Variants in CFAP299 observed in about 807,000 individuals in gnomAD.
The protein encoded by CFAP299 is cilia- and flagella-associated protein 299.
A neutral mutation model predicts 27.0 loss-of-function variants in CFAP299; 21 were observed. That is an observed-to-expected ratio of 0.78 (90% CI 0.55 to 1.12). CFAP299 has a LOEUF of 1.12. Ranked by LOEUF, CFAP299 falls within the 50% of genes most tolerant of loss-of-function variation. CFAP299 has a pLI of 0.00. For missense variants in CFAP299, 310 were observed against 276.6 expected (o/e 1.12, Z -0.86); for synonymous variants, 104 against 98.1 (o/e 1.06, Z -0.36).
At position 80,538,001 on chromosome 4, in the gene CFAP299, A is replaced by T. The variant is rs1003669713; in HGVS notation, c.243-45092A>T. ...AATCTGTCATATGAAGACTGCAGTC[A>T]TGTGCCACATAATCATCTTTCAGCC... On this transcript the variant is annotated intron_variant, in intron 2 of 5. Coordinates refer to ENST00000358105, the MANE Select transcript of CFAP299 (RefSeq NM_152770.3). 1.8e-4 allele frequency among the ~76,000 whole-genome samples: 27 copies of T among 152,190 alleles called. 1 individual carries two copies. Among genetic ancestry groups the T allele is most frequent in the Admixed American group, 1.7e-3 (26 of 15,272 alleles).
At chr4:80,471,198 A>G (rs1228697409) in intron 2 of CFAP299, among the ~76,000 whole-genome samples, 1 of 152,098 alleles carries the variant, frequency 6.6e-6, no homozygotes, top group African/African-American at 2.4e-5. Context: ...GTTCATAACC[A>G]TTGACTACCC....
At chr4:80,896,639 T>C (rs964569324) in intron 4 of CFAP299, among the ~76,000 whole-genome samples, 1 of 152,112 alleles carries the variant, frequency 6.6e-6, no homozygotes, top group Non-Finnish European at 1.5e-5. Flanking sequence ...ATAGATGAAA[T>C]TGAATGATAG....
intron 3 of CFAP299, among the ~76,000 whole-genome samples, chr4:80,844,731 T>C (rs1276682996): frequency 6.6e-6 from 1 of 152,204 alleles, no homozygotes; most frequent in East Asian, 1.9e-4. Flanking sequence ...GGTAGTTTCT[T>C]TTGCTGTGCA....
chr4:80,525,471 G>A (rs11728439), intron 2 of CFAP299, among the ~76,000 whole-genome samples: 19,251 of 152,078 alleles, frequency 0.13, 1,681 homozygotes, highest in African/African-American at 0.24. Flanking sequence ...TAATGAGTTT[G>A]TCTGTATCTA....
rs1578452430 is a variant in CFAP299 at position 80,446,158 on chromosome 4, C to T, written c.242+83274C>T. On this transcript the variant is annotated intron_variant, in intron 2 of 5. Transcript: ENST00000358105. ...ATTCAGGACTGGGAAGAGGAAAAGG[C>T]ATAGGTGTTGTGTCAATCAGTGAAG... Among the ~76,000 whole-genome samples, 3 of 152,286 alleles carry T rather than the reference C, an allele frequency of 2.0e-5. No homozygotes were observed. In the East Asian group the frequency reaches 5.8e-4, roughly 29 times the overall value.
At chr4:80,753,392 T>C (rs1027386205) in intron 3 of CFAP299, among the ~76,000 whole-genome samples, 1 of 152,152 alleles carries the variant, frequency 6.6e-6, no homozygotes, top group African/African-American at 2.4e-5. Flanking sequence ...GTATGTAATG[T>C]GCCTTTTTTC....
chr4:80,626,298 A>G (rs1054173543), intron 3 of CFAP299, among the ~76,000 whole-genome samples: 1 of 151,976 alleles, frequency 6.6e-6, no homozygotes, highest in Non-Finnish European at 1.5e-5. Context: ...GTCAATGAAG[A>G]AATTGGAAAG....
At chr4:80,532,075 G>C (rs1047080289) in intron 2 of CFAP299, among the ~76,000 whole-genome samples, 1 of 152,046 alleles carries the variant, frequency 6.6e-6, no homozygotes, top group Non-Finnish European at 1.5e-5. Context: ...ATTTGTTAAT[G>C]GGGCTCTAGG....
At chr4:80,508,332 A>C (rs779053421) in intron 2 of CFAP299, among the ~76,000 whole-genome samples, 18 of 152,290 alleles carry the variant, frequency 1.2e-4, no homozygotes, top group Non-Finnish European at 2.6e-4. Flanking sequence ...GGAAACAGAT[A>C]GTTTTCTCTT....
intron 3 of CFAP299, among the ~76,000 whole-genome samples, chr4:80,598,658 A>G (rs1737176764): frequency 6.6e-6 from 1 of 152,196 alleles, no homozygotes; most frequent in Non-Finnish European, 1.5e-5. Context: ...GGCAGATATG[A>G]TAAGAAAGTG....
At chr4:80,738,210 G>A (rs534792558) in intron 3 of CFAP299, among the ~76,000 whole-genome samples, 19 of 152,120 alleles carry the variant, frequency 1.2e-4, no homozygotes, top group Non-Finnish European at 2.6e-4. Flanking sequence ...TGCAGCCATT[G>A]GATGAAATAT....
intron 3 of CFAP299, among the ~76,000 whole-genome samples, chr4:80,583,794 A>G (rs971435958): frequency 1.3e-5 from 2 of 151,988 alleles, no homozygotes; most frequent in African/African-American, 4.8e-5. Context: ...GTAAGTCTTA[A>G]CATGTTCCAA....
At chr4:80,367,727 T>G (rs1200053374) in intron 2 of CFAP299, among the ~76,000 whole-genome samples, 1 of 152,050 alleles carries the variant, frequency 6.6e-6, no homozygotes, top group African/African-American at 2.4e-5. Context: ...ATAGTAGCCA[T>G]AAGACAGAAG....
chr4:80,525,963 T>G (rs1203679733), intron 2 of CFAP299, among the ~76,000 whole-genome samples: 2 of 152,294 alleles, frequency 1.3e-5, no homozygotes, highest in Middle Eastern at 3.4e-3. Flanking sequence ...GGCTTTTAAT[T>G]TTTTAAAAAT....
chr4:80,583,051 T>C, intron 2 of CFAP299, 42 bp from the exon 3 acceptor site: 1 of 1,317,218 alleles, frequency 7.6e-7, no homozygotes. Context: ...GGAAACATAT[T>C]TGTTATCTAA....
At chr4:80,625,357 A>C (rs1424390956) in intron 3 of CFAP299, among the ~76,000 whole-genome samples, 1 of 151,986 alleles carries the variant, frequency 6.6e-6, no homozygotes, top group Non-Finnish European at 1.5e-5. Context: ...TCATATGGAA[A>C]CCACAAAGCA....
At chr4:80,766,494 G>A (rs541812615) in intron 3 of CFAP299, among the ~76,000 whole-genome samples, 9 of 152,210 alleles carry the variant, frequency 5.9e-5, no homozygotes, top group South Asian at 2.1e-4. Flanking sequence ...AGATAGCTGC[G>A]AATAATACAA....
At chr4:80,688,383 C>T (rs948745678) in intron 3 of CFAP299, among the ~76,000 whole-genome samples, 1 of 145,816 alleles carries the variant, frequency 6.9e-6, no homozygotes, top group Non-Finnish European at 1.5e-5. Flanking sequence ...TCCCTGACCC[C>T]TGACCCATGA....
In CFAP299 at chr4:80,504,462, C is replaced by CATATAGATAT. The variant is rs1731898867; in HGVS notation, c.243-78626_243-78625insGATATATATA. Among the ~76,000 whole-genome samples the CATATAGATAT allele has an allele frequency of 7.9e-5, 3 of 37,776 alleles. No homozygotes were observed. In the East Asian group the frequency reaches 2.9e-3, roughly 37 times the overall value. The allele number at this position is 37,776 out of a possible 152,430, so 24.8% of individuals were successfully genotyped here. On this transcript the variant is annotated intron_variant, in intron 2 of 5. Coordinates refer to ENST00000358105, the MANE Select transcript of CFAP299 (RefSeq NM_152770.3). ...TACTGAAATTTTGCTTAAAATCTCA[C>CATATAGATAT]ATATATATATATATATATATATATA... is the stretch of plus-strand genomic sequence containing the variant.
Sources: gnomAD v4.1 joint callset for allele counts (sites outside exome capture counted in the v4.1 genomes callset) on GRCh38, gnomAD v4.1.1 for gene constraint, MANE v1.5 for transcripts, NCBI Gene and HGNC (gene_info 2026-07-23, HGNC 2026-07-21) for gene names.